Variants in DYSF observed in about 807,000 individuals in gnomAD.
DYSF encodes dystrophy-associated fer-1-like 1.
A neutral mutation model predicts 274.9 loss-of-function variants in DYSF; 212 were observed. That is an observed-to-expected ratio of 0.77 (90% CI 0.69 to 0.86). The LOEUF is 0.86. Ranked by LOEUF, DYSF falls within the 40% of genes least tolerant of loss-of-function variation. DYSF has a pLI of 0.00. For synonymous variants in DYSF, 1,091 were observed against 1,078.7 expected (o/e 1.01, Z -0.22); for missense variants, 2,666 against 2,783.2 (o/e 0.96, Z 0.95).
intron 41 of DYSF, among the ~76,000 whole-genome samples, chr2:71,635,395 C>T (rs1235339915): frequency 6.6e-6 from 1 of 152,178 alleles, no homozygotes; most frequent in Non-Finnish European, 1.5e-5. Flanking sequence ...CAAATATTGA[C>T]AGAACTGCAA....
upstream of DYSF, among the ~76,000 whole-genome samples, chr2:71,466,111 C>G (rs1240412090): frequency 6.6e-6 from 1 of 152,144 alleles, no homozygotes; most frequent in Non-Finnish European, 1.5e-5. Context: ...CCCGGGGGTC[C>G]CAGCAAACCA....
At chr2:71,598,393 G>A (rs1236871584) in intron 32 of DYSF, among the ~76,000 whole-genome samples, 171 bp from the exon 33 acceptor site, 1 of 152,234 alleles carries the variant, frequency 6.6e-6, no homozygotes, top group Admixed American at 6.5e-5. Context: ...TGGCCTCATG[G>A]TGGGGCTAGG....
At chr2:71,668,928 TTTCTGCCGGGC>T in intron 49 of DYSF, 86 bp downstream of exon 49, 1 of 1,451,090 alleles carries the variant, frequency 6.9e-7, no homozygotes, top group Non-Finnish European at 9.5e-7. Flanking sequence ...CGGTTGCTCT[TTTCTGCCGGGC>T]TTCAGGCTAT....
At chr2:71,579,414 C>T (rs972052395) in intron 30 of DYSF, among the ~76,000 whole-genome samples, 3 of 152,132 alleles carry the variant, frequency 2.0e-5, no homozygotes. Flanking sequence ...TTTCTAAAGG[C>T]GTGCCTGATC....
At chr2:71,652,911 T>C (rs1204361370) in intron 42 of DYSF, among the ~76,000 whole-genome samples, 1 of 152,218 alleles carries the variant, frequency 6.6e-6, no homozygotes, top group Admixed American at 6.5e-5. Flanking sequence ...GTTTAGATAA[T>C]TGCCTAACCA....
Position 71,484,116 on chromosome 2 carries a change from G to A in DYSF, c.239+2146G>A, listed in dbSNP as rs1193079525. ...GGCCCAGGCTGGAGTGCAGTGGTGC[G>A]ATCTCTGCTCACTGCAACCTCCACC... On this transcript the variant is annotated intron_variant, in intron 3 of 55. Coordinates refer to ENST00000410020, the MANE Select transcript of DYSF (RefSeq NM_001130987.2). Among the ~76,000 whole-genome samples, 3 of 133,672 alleles carry A rather than the reference G, an allele frequency of 2.2e-5. No individual in the cohort carries two copies. The East Asian group carries it at 6.8e-4, about 30-fold the overall frequency. The allele number at this position is 133,672 out of a possible 152,430, so 87.7% of individuals were successfully genotyped here.
chr2:71,593,884 G>A (rs1027241840), intron 32 of DYSF, among the ~76,000 whole-genome samples: 1 of 152,224 alleles, frequency 6.6e-6, no homozygotes, highest in Non-Finnish European at 1.5e-5. Flanking sequence ...CCAGGTCACT[G>A]GGCTCAGGCG....
chr2:71,566,550 C>G (rs1171754450), intron 24 of DYSF, among the ~76,000 whole-genome samples: 1 of 151,814 alleles, frequency 6.6e-6, no homozygotes, highest in Non-Finnish European at 1.5e-5. Context: ...AGAGAGGAGC[C>G]CCAAACTAGA....
chr2:71,513,755 C>G lies in DYSF; in HGVS notation c.593C>G (p.Thr198Ser), dbSNP rs759461742. 8.7e-6 allele frequency: 14 copies of G among 1,614,168 alleles called. No individual in the cohort carries two copies. In the South Asian group the frequency reaches 1.2e-4, roughly 14 times the overall value. ...GEEDTEDQGLTGDEAEPFLDQ... is the reference protein window; with the variant it reads ...GEEDTEDQGLSGDEAEPFLDQ... ...GAAGACACAGAGGACCAGGGACTCA[C>G]TGGAGATGAGGCGGAGCCATTCCTG... The change falls in exon 7 of 56, where the codon ACT (threonine) becomes AGT (serine). Residue 198 changes from threonine to serine, a missense_variant. Physicochemically the swap from Thr to Ser is moderately conservative, Grantham distance 58 (BLOSUM62 1). Coordinates refer to ENST00000410020, the MANE Select transcript of DYSF (RefSeq NM_001130987.2).
At chr2:71,537,483 T>C (rs1394165241) in intron 16 of DYSF, among the ~76,000 whole-genome samples, 1 of 152,090 alleles carries the variant, frequency 6.6e-6, no homozygotes, top group East Asian at 1.9e-4. Flanking sequence ...TGATCTCAGG[T>C]GATCCATCTG....
intron 3 of DYSF, among the ~76,000 whole-genome samples, chr2:71,485,715 A>G (rs1558977860): frequency 1.3e-5 from 2 of 152,246 alleles, no homozygotes; most frequent in South Asian, 2.1e-4. Flanking sequence ...CCAAAAGTGT[A>G]AAAAGAAAAC....
At chr2:71,473,531 C>G (rs532082888) in intron 1 of DYSF, among the ~76,000 whole-genome samples, 5 of 152,314 alleles carry the variant, frequency 3.3e-5, no homozygotes, top group African/African-American at 9.6e-5. Flanking sequence ...CTCTCTGTCT[C>G]TCTCACTGGG....
At chr2:71,477,843 A>C (rs994576165) in intron 1 of DYSF, among the ~76,000 whole-genome samples, 2 of 152,226 alleles carry the variant, frequency 1.3e-5, no homozygotes, top group Non-Finnish European at 2.9e-5. Context: ...AAGGATATTC[A>C]CAGTTATCTG....
chr2:71,519,202 G>A (rs942720186), intron 10 of DYSF, among the ~76,000 whole-genome samples: 1 of 151,592 alleles, frequency 6.6e-6, no homozygotes, highest in Non-Finnish European at 1.5e-5. Flanking sequence ...CATTGCCTGT[G>A]GGAAGAAGTC....
chr2:71,556,343 C>T (rs559315083), intron 22 of DYSF, among the ~76,000 whole-genome samples: 15 of 152,334 alleles, frequency 9.8e-5, no homozygotes, highest in Admixed American at 6.5e-4. Flanking sequence ...CTCTGATCCC[C>T]GACCTCTTAT....
intron 47 of DYSF, among the ~76,000 whole-genome samples, chr2:71,666,270 A>T (rs2095005845): frequency 6.6e-6 from 1 of 151,778 alleles, no homozygotes; most frequent in Admixed American, 6.5e-5. Flanking sequence ...AAAGCTAGAG[A>T]TGGTGAGGTC....
In DYSF at chr2:71,640,017, A is replaced by G. The variant is rs1297557064; in HGVS notation, c.4528-3948A>G. Among the ~76,000 whole-genome samples the G allele has an allele frequency of 3.9e-5, 6 of 152,322 alleles. No individual in the cohort carries two copies. The East Asian group carries it at 1.2e-3, about 29-fold the overall frequency. On this transcript the variant is annotated intron_variant, in intron 41 of 55. Transcript: ENST00000410020. The stretch of plus-strand genomic sequence containing the variant: ...ATTCCTCACAATAACTGTCAAACTG[A>G]TACTATTATTTTTCCATTACAGATA...
At chr2:71,575,850 G>C (rs890114040) in intron 30 of DYSF, among the ~76,000 whole-genome samples, 6 of 152,174 alleles carry the variant, frequency 3.9e-5, no homozygotes, top group African/African-American at 4.8e-5. Flanking sequence ...GCAGGAAACA[G>C]GTTCATACAG....
chr2:71,487,092 C>T (rs1247987698), intron 3 of DYSF, among the ~76,000 whole-genome samples: 1 of 152,190 alleles, frequency 6.6e-6, no homozygotes, highest in African/African-American at 2.4e-5. Context: ...CTGGTGTTTT[C>T]ATTGCGCAGC....
Sources: gnomAD v4.1 joint callset for allele counts (sites outside exome capture counted in the v4.1 genomes callset) on GRCh38, gnomAD v4.1.1 for gene constraint, MANE v1.5 for transcripts, NCBI Gene and HGNC (gene_info 2026-07-23, HGNC 2026-07-21) for gene names.